SLC49A4: variants seen among roughly 807,000 people sequenced by gnomAD.
The protein encoded by SLC49A4 is solute carrier family 49 member 4.
SLC49A4 carries 36 observed loss-of-function variants against 50.6 expected under a neutral mutation model. The observed-to-expected ratio is 0.71, with a 90% confidence interval of 0.55 to 0.94. SLC49A4 has a LOEUF of 0.94. Ranked by LOEUF, SLC49A4 falls within the 40% of genes least tolerant of loss-of-function variation. The pLI, the probability that SLC49A4 is intolerant of heterozygous loss-of-function variation, is 0.00. For synonymous variants in SLC49A4, 248 were observed against 241.2 expected (o/e 1.03, Z -0.26); for missense variants, 503 against 605.7 (o/e 0.83, Z 1.78).
At chr3:122,797,877 A>G (rs2107552991) in intron 1 of SLC49A4, among the ~76,000 whole-genome samples, 1 of 152,248 alleles carries the variant, frequency 6.6e-6, no homozygotes, top group Admixed American at 6.5e-5. Context: ...GTTACTGGGG[A>G]GGCTGAGGCT....
At chr3:122,806,791 T>G (rs1366004415) in intron 1 of SLC49A4, 66 bp from the exon 2 acceptor site, 1 of 966,062 alleles carries the variant, frequency 1.0e-6, no homozygotes, top group Non-Finnish European at 1.7e-6. Context: ...CTAAAAATAA[T>G]CTTTATTTTT....
At chr3:122,872,697 C>G in intron 8 of SLC49A4, 100 bp downstream of exon 8, 2 of 774,534 alleles carry the variant, frequency 2.6e-6, no homozygotes, top group Non-Finnish European at 3.9e-6. Flanking sequence ...CTCACCAAGG[C>G]AAATTACTTT....
chr3:122,815,884 G>A (rs1472176248), intron 2 of SLC49A4, among the ~76,000 whole-genome samples: 1 of 152,192 alleles, frequency 6.6e-6, no homozygotes, highest in Non-Finnish European at 1.5e-5. Flanking sequence ...TAGGGATCAA[G>A]CAGTCTTAAT....
chr3:122,797,006 TG>T (rs1283889348), intron 1 of SLC49A4, among the ~76,000 whole-genome samples: 37 of 152,216 alleles, frequency 2.4e-4, no homozygotes, highest in African/African-American at 8.4e-4. Context: ...CAAAATTAGT[TG>T]GTTATTAAGA....
rs1576312313 is a variant in SLC49A4, at chr3:122,870,290, C to T, written c.1139-2125C>T. Among the ~76,000 whole-genome samples, 5 of 152,018 alleles carry T rather than the reference C, an allele frequency of 3.3e-5. No individual in the cohort carries two copies. In the South Asian group the frequency reaches 1.0e-3, roughly 32 times the overall value. ...TTTTCTTGTTTTAAACTCTTAGGCTCATCAAGGTTTTGGTCAATGGTTCTC... is the reference window on the plus strand; with the variant it reads ...TTTTCTTGTTTTAAACTCTTAGGCTTATCAAGGTTTTGGTCAATGGTTCTC... On this transcript the variant is annotated intron_variant, in intron 7 of 8. Transcript: ENST00000261038.
chr3:122,831,186 A>G (rs1560211474), intron 3 of SLC49A4, among the ~76,000 whole-genome samples: 1 of 152,142 alleles, frequency 6.6e-6, no homozygotes, highest in Non-Finnish European at 1.5e-5. Flanking sequence ...GTGGGAATGT[A>G]AAATGGTGTA....
intron 5 of SLC49A4, among the ~76,000 whole-genome samples, chr3:122,851,822 C>G (rs1333992783): frequency 6.6e-6 from 1 of 151,876 alleles, no homozygotes; most frequent in African/African-American, 2.4e-5. Flanking sequence ...TTCTTTTCTT[C>G]TCCCACCCAC....
chr3:122,813,657 A>G (rs962239302), intron 2 of SLC49A4, among the ~76,000 whole-genome samples: 1 of 152,188 alleles, frequency 6.6e-6, no homozygotes, highest in South Asian at 2.1e-4. Context: ...TTTGCCTTAG[A>G]TTTCTTTTCC....
chr3:122,874,177 G>T (rs1327478135), intron 8 of SLC49A4, among the ~76,000 whole-genome samples: 1 of 152,146 alleles, frequency 6.6e-6, no homozygotes, highest in African/African-American at 2.4e-5. Context: ...AATGGAAACT[G>T]CCCTAAACTG....
chr3:122,826,890 AG>A lies in SLC49A4; in HGVS notation c.529del (p.Asp177MetfsTer23). ...TTCTCTCTACGACGTGGTTTTCTGC[AG>A]ATGAAAGGGCCACAGCCACAGCTAT... ...PFLSTTWFSA[D>X]ERATATAIAS... On this transcript the variant is annotated frameshift_variant, in exon 3 of 9. Transcript: ENST00000261038. LOFTEE classifies it high-confidence loss of function. 1.2e-6 allele frequency: 2 copies of A among 1,614,244 alleles called. No individual in the cohort carries two copies. The highest frequency in any genetic ancestry group is 1.7e-6 in the Non-Finnish European group (2 of 1,180,036).
At chr3:122,879,062 C>T (rs969482600) in intron 8 of SLC49A4, among the ~76,000 whole-genome samples, 1 of 152,074 alleles carries the variant, frequency 6.6e-6, no homozygotes, top group African/African-American at 2.4e-5. Context: ...TAAAAATATT[C>T]CACATGGAAG....
At chr3:122,836,828 C>A (rs934538333) in intron 4 of SLC49A4, among the ~76,000 whole-genome samples, 1 of 152,086 alleles carries the variant, frequency 6.6e-6, no homozygotes, top group Non-Finnish European at 1.5e-5. Flanking sequence ...CGTCTCAGCC[C>A]AAAATCTCCT....
chr3:122,860,452 G>A (rs940893626), intron 7 of SLC49A4, among the ~76,000 whole-genome samples: 1 of 152,090 alleles, frequency 6.6e-6, no homozygotes, highest in Non-Finnish European at 1.5e-5. Context: ...GCATGGAAAT[G>A]CTTATATTTG....
intron 3 of SLC49A4, among the ~76,000 whole-genome samples, chr3:122,831,903 A>T (rs939822969): frequency 6.6e-6 from 1 of 152,060 alleles, no homozygotes; most frequent in Non-Finnish European, 1.5e-5. Flanking sequence ...ACTCTAAATT[A>T]GAACAGTTCA....
chr3:122,842,007 C>T (rs1936777560), intron 4 of SLC49A4, among the ~76,000 whole-genome samples: 3 of 152,192 alleles, frequency 2.0e-5, no homozygotes, highest in Non-Finnish European at 1.5e-5. Flanking sequence ...TTAAAATGAT[C>T]GTTTTTTAAA....
At chr3:122,811,956 A>G (rs763027212) in intron 2 of SLC49A4, among the ~76,000 whole-genome samples, 3 of 151,882 alleles carry the variant, frequency 2.0e-5, no homozygotes, top group Non-Finnish European at 4.4e-5. Context: ...TACCATGTGC[A>G]TATATTAGCT....
chr3:122,856,794 G>A lies in SLC49A4; in HGVS notation c.1010+420G>A, dbSNP rs187770562. Among the ~76,000 whole-genome samples, 376 of 148,624 alleles carry A rather than the reference G, an allele frequency of 2.5e-3. 1 individual carries two copies. Among genetic ancestry groups the A allele is most frequent in the Non-Finnish European group, 3.7e-3 (251 of 67,608 alleles). On this transcript the variant is annotated intron_variant, in intron 6 of 8. Transcript: ENST00000261038. The stretch of plus-strand genomic sequence containing the variant: ...AGAGGTTGCAGTGAGCCATGATTAC[G>A]CCACTGCTCTCCAGCCTGGGCAATA...
In SLC49A4 at chr3:122,880,708, G is replaced by A. The variant is rs1248416750; in HGVS notation, c.*1330G>A. 4 of 152,194 alleles carry A rather than the reference G, an allele frequency of 2.6e-5. No individual in the cohort carries two copies. The highest frequency in any genetic ancestry group is 9.7e-5 in the African/African-American group (4 of 41,422). The allele number at this position is 152,194 out of a possible 1,614,324, so 9.4% of individuals were successfully genotyped here. On this transcript the variant is annotated 3_prime_UTR_variant, in exon 9 of 9. Transcript: ENST00000261038. ...AGTATATATACTTTTGTGTTTTCCT[G>A]GACAGAGTGCAAGTGGCTCTTATCA... is the stretch of plus-strand genomic sequence containing the variant.
Position 122,861,676 on chromosome 3 carries a change from G to A in SLC49A4, c.1138+1474G>A, listed in dbSNP as rs116104998. Among the ~76,000 whole-genome samples, 1,090 of 152,282 alleles carry A rather than the reference G, an allele frequency of 7.2e-3. 7 individuals carry two copies. The highest frequency in any genetic ancestry group is 0.023 in the African/African-American group (943 of 41,554). On this transcript the variant is annotated intron_variant, in intron 7 of 8. Transcript: ENST00000261038. ...ATACTCTGTAATAAAAGAACCAGCAGTTTACACATCAGAGGCATCAAATCT... is the reference window on the plus strand; with the variant it reads ...ATACTCTGTAATAAAAGAACCAGCAATTTACACATCAGAGGCATCAAATCT...
Sources: allele counts gnomAD v4.1 joint callset (sites outside exome capture counted in the v4.1 genomes callset), GRCh38; gene constraint gnomAD v4.1.1; transcripts MANE v1.5; gene names NCBI Gene and HGNC (gene_info 2026-07-23, HGNC 2026-07-21).